Variants in CFAP43 observed in about 807,000 individuals in gnomAD.
CFAP43 encodes the protein cilia- and flagella-associated protein 43.
CFAP43 carries 155 observed loss-of-function variants against 218.9 expected under a neutral mutation model. The observed-to-expected ratio is 0.71, with a 90% CI of 0.62 to 0.81. The LOEUF is 0.81. Ranked by LOEUF, CFAP43 falls within the 30% of genes least tolerant of loss-of-function variation. CFAP43 has a pLI of 0.00. For synonymous variants in CFAP43, 645 were observed against 681.3 expected, an observed-to-expected ratio of 0.95 and a Z score of 0.83; for missense variants, 1,778 against 1,954.3, an observed-to-expected ratio of 0.91 and a Z score of 1.70.
chr10:104,206,604 AT>A (rs1202997311), intron 6 of CFAP43, among the ~76,000 whole-genome samples: 16 of 152,188 alleles, frequency 1.1e-4, no homozygotes, highest in Non-Finnish European at 1.5e-4. Flanking sequence ...AACTGCATAG[AT>A]TGGGTCAGAT....
chr10:104,199,316 C>A (rs886188976), intron 8 of CFAP43, among the ~76,000 whole-genome samples: 1 of 152,100 alleles, frequency 6.6e-6, no homozygotes, highest in Admixed American at 6.5e-5. Context: ...AAGTTCTTCA[C>A]GCTTACTTGA....
At chr10:104,138,955 A>C (rs2087576384) in intron 34 of CFAP43, among the ~76,000 whole-genome samples, 1 of 152,230 alleles carries the variant, frequency 6.6e-6, no homozygotes, top group Non-Finnish European at 1.5e-5. Context: ...AGGATAGACA[A>C]CATGCATGAA....
At chr10:104,179,740 A>G (rs902484515) in intron 18 of CFAP43, 100 bp downstream of exon 18, 10 of 897,414 alleles carry the variant, frequency 1.1e-5, no homozygotes, top group Non-Finnish European at 1.8e-5. Context: ...GTGGTGTCTC[A>G]TTCCATCTTC....
chr10:104,139,161 T>C (rs191439558), intron 34 of CFAP43, among the ~76,000 whole-genome samples: 25 of 152,286 alleles, frequency 1.6e-4, no homozygotes, highest in Admixed American at 1.6e-3. Flanking sequence ...CAATAGTAAT[T>C]ACCCAAACTG....
chr10:104,154,713 G>C lies in CFAP43; in HGVS notation c.3541-1987C>G, dbSNP rs372831283. Among the ~76,000 whole-genome samples the C allele has an allele frequency of 5.9e-5, 9 of 152,326 alleles. No individual in the cohort carries two copies. In the East Asian group the frequency reaches 1.5e-3, roughly 26 times the overall value. ...CTTTTGAGGGTCTCTGGTCCTGAAA[G>C]AATCTTTTTGTAGTGTAAAATGGCC... is the stretch of plus-strand genomic sequence containing the variant. On this transcript the variant is annotated intron_variant, in intron 27 of 37. Coordinates refer to ENST00000357060, the MANE Select transcript of CFAP43 (RefSeq NM_025145.7).
intron 5 of CFAP43, among the ~76,000 whole-genome samples, chr10:104,208,129 C>T (rs937992507): frequency 6.6e-6 from 1 of 152,192 alleles, no homozygotes; most frequent in African/African-American, 2.4e-5. Context: ...AATTAAACTG[C>T]TGCTGAATAG....
chr10:104,154,337 C>T (rs963444242), intron 27 of CFAP43, among the ~76,000 whole-genome samples: 9 of 151,916 alleles, frequency 5.9e-5, no homozygotes, highest in South Asian at 2.1e-4. Flanking sequence ...AGACTGATTC[C>T]GGGAGGATAA....
chr10:104,184,827 C>G (rs2134886647), intron 16 of CFAP43, among the ~76,000 whole-genome samples, 189 bp downstream of exon 16: 1 of 152,260 alleles, frequency 6.6e-6, no homozygotes. Flanking sequence ...CCTGACCCAC[C>G]CCAGGTCTGC....
chr10:104,159,231 T>C (rs2088743774), intron 27 of CFAP43, among the ~76,000 whole-genome samples: 1 of 152,032 alleles, frequency 6.6e-6, no homozygotes, highest in Admixed American at 6.6e-5. Flanking sequence ...AGTTTTGCAG[T>C]AAAGGAGAGC....
intron 8 of CFAP43, among the ~76,000 whole-genome samples, chr10:104,199,432 A>G (rs1395134233): frequency 6.6e-6 from 1 of 152,208 alleles, no homozygotes; most frequent in East Asian, 1.9e-4. Context: ...CATTTCTTCA[A>G]TAAATATTAA....
At position 104,213,543 on chromosome 10, in the gene CFAP43, TA is replaced by T. The variant is rs577851449; in HGVS notation, c.584+715del. Reference sequence around the variant, plus strand: ...AATGTGTCTGAATGTATAATCTGCATATTTTTTTTTTTAGATGGAATCTTGC... The same window carrying T: ...AATGTGTCTGAATGTATAATCTGCATTTTTTTTTTTTAGATGGAATCTTGC... On this transcript the variant is annotated intron_variant, in intron 4 of 37. Transcript: ENST00000357060. Among the ~76,000 whole-genome samples the T allele has an allele frequency of 1.5e-3, 231 of 152,040 alleles. 6 individuals are homozygous for T. In the South Asian group the frequency reaches 0.04, roughly 26 times the overall value.
chr10:104,130,114 G>C lies in CFAP43; in HGVS notation c.*25C>G. The C allele has an allele frequency of 6.4e-7, 1 of 1,562,266 alleles. No homozygotes were observed. Among genetic ancestry groups the C allele is most frequent in the Non-Finnish European group, 8.6e-7 (1 of 1,160,356 alleles). ...AATGATTTTTTAAATGATTGATTTG[G>C]CCTTGTGTTTTCCTGCCAGCGTTTT... On this transcript the variant is annotated 3_prime_UTR_variant, in exon 38 of 38. Coordinates refer to ENST00000357060, the MANE Select transcript of CFAP43 (RefSeq NM_025145.7).
intron 5 of CFAP43, among the ~76,000 whole-genome samples, chr10:104,209,178 T>C (rs1388426402): frequency 6.6e-6 from 1 of 152,234 alleles, no homozygotes; most frequent in Non-Finnish European, 1.5e-5. Flanking sequence ...CTATTTTTGG[T>C]TATGCTTTCA....
At chr10:104,172,654 GTAC>G in intron 19 of CFAP43, 119 bp from the exon 20 acceptor site, 2 of 827,296 alleles carry the variant, frequency 2.4e-6, no homozygotes, top group South Asian at 2.2e-5. Flanking sequence ...TTATCAAAAT[GTAC>G]TACTAAGTAA....
chr10:104,159,384 AT>A (rs1214710472), intron 27 of CFAP43, among the ~76,000 whole-genome samples: 2 of 152,164 alleles, frequency 1.3e-5, no homozygotes, highest in Non-Finnish European at 2.9e-5. Context: ...TCCAGGAAGT[AT>A]TTTTTTAATA....
intron 4 of CFAP43, among the ~76,000 whole-genome samples, 166 bp from the exon 5 acceptor site, chr10:104,212,323 A>G (rs759874559): frequency 6.6e-6 from 1 of 152,252 alleles, no homozygotes; most frequent in African/African-American, 2.4e-5. Context: ...CAGGTTGTAA[A>G]AAGACAAGTT....
rs759098963 is a variant in CFAP43, at chr10:104,196,884, G to A, written c.1262C>T (p.Ala421Val). The A allele has an allele frequency of 1.1e-5, 17 of 1,612,982 alleles. No homozygotes were observed. The highest frequency in any genetic ancestry group is 1.4e-5 in the Non-Finnish European group (17 of 1,179,556). ...EICVWWLEDC[A>V]CVSKIYLNTL... The stretch of plus-strand genomic sequence containing the variant: ...ATTCAGATAAATCTTGCTTACACAA[G>A]CACAATCCTCCAGCCACCAAACACA... The change falls in exon 10 of 38, where the codon GCT becomes GTT. Residue 421 changes from alanine to valine, a missense_variant. Coordinates refer to ENST00000357060, the MANE Select transcript of CFAP43 (RefSeq NM_025145.7).
chr10:104,222,012 T>A (rs564076254), intron 3 of CFAP43, among the ~76,000 whole-genome samples: 1 of 152,206 alleles, frequency 6.6e-6, no homozygotes, highest in Admixed American at 6.5e-5. Flanking sequence ...CTACTTTAGA[T>A]TCTTTTTCAG....
chr10:104,221,966 C>T (rs1026266243), intron 3 of CFAP43, among the ~76,000 whole-genome samples: 1 of 152,300 alleles, frequency 6.6e-6, no homozygotes, highest in African/African-American at 2.4e-5. Context: ...CCAGACCCCA[C>T]CAGCCTGGGA....
Sources: gnomAD v4.1 joint callset for allele counts (sites outside exome capture counted in the v4.1 genomes callset) on GRCh38, gnomAD v4.1.1 for gene constraint, MANE v1.5 for transcripts, NCBI Gene and HGNC (gene_info 2026-07-23, HGNC 2026-07-21) for gene names.